SLC9A9: variants seen among roughly 807,000 people sequenced by gnomAD.
The protein encoded by SLC9A9 is sodium/hydrogen exchanger 9.
Under a neutral mutation model 77.8 loss-of-function variants are expected in SLC9A9, and 62 were observed. The observed-to-expected ratio is 0.80, with a 90% CI of 0.65 to 0.98. The LOEUF (loss-of-function observed/expected upper bound fraction) is 0.98, where lower values mean the gene tolerates loss of function less well. Ranked by LOEUF, SLC9A9 falls within the 50% of genes least tolerant of loss-of-function variation. The probability of loss-of-function intolerance (pLI) is 0.00; values close to 1 mark genes in which losing one functional copy is unlikely to be tolerated. For synonymous variants in SLC9A9, 320 were observed against 283.5 expected, an observed-to-expected ratio of 1.13 and a Z score of -1.29; for missense variants, 775 against 774.9, an observed-to-expected ratio of 1.00 and a Z score of 0.00.
intron 14 of SLC9A9, among the ~76,000 whole-genome samples, chr3:143,285,362 G>C (rs1157819114): frequency 6.6e-6 from 1 of 152,134 alleles, no homozygotes; most frequent in African/African-American, 2.4e-5. Context: ...TACTTTACAT[G>C]AAAAATCTCC....
intron 6 of SLC9A9, among the ~76,000 whole-genome samples, chr3:143,589,946 T>C (rs6771387): frequency 0.11 from 14,470 of 134,844 alleles, 1,249 homozygotes; most frequent in African/African-American, 0.27. Flanking sequence ...ATTTCTAGTA[T>C]TAATTTGCAA....
intron 6 of SLC9A9, among the ~76,000 whole-genome samples, chr3:143,590,271 T>C (rs1576595650): frequency 6.6e-6 from 1 of 152,232 alleles, no homozygotes; most frequent in African/African-American, 2.4e-5. Context: ...GGATTAAATA[T>C]GTTAATATGT....
At chr3:143,651,886 G>C (rs930475538) in intron 6 of SLC9A9, among the ~76,000 whole-genome samples, 1 of 152,152 alleles carries the variant, frequency 6.6e-6, no homozygotes, top group Non-Finnish European at 1.5e-5. Flanking sequence ...ATAAATACAA[G>C]GGTTTCTATT....
chr3:143,639,597 G>T (rs991209901), intron 6 of SLC9A9, among the ~76,000 whole-genome samples: 1 of 151,998 alleles, frequency 6.6e-6, no homozygotes, highest in Non-Finnish European at 1.5e-5. Flanking sequence ...GTACTGAGAG[G>T]GCCAAATTTT....
chr3:143,332,958 T>G, intron 14 of SLC9A9, among the ~76,000 whole-genome samples: 1 of 152,218 alleles, frequency 6.6e-6, no homozygotes, highest in Non-Finnish European at 1.5e-5. Context: ...GGTAACAAAG[T>G]GTCAGAGACT....
At chr3:143,800,354 A>G (rs907709462) in intron 2 of SLC9A9, among the ~76,000 whole-genome samples, 8 of 152,146 alleles carry the variant, frequency 5.3e-5, no homozygotes, top group Non-Finnish European at 8.8e-5. Flanking sequence ...TAAAGCCTAC[A>G]AATTCTCCTT....
intron 14 of SLC9A9, among the ~76,000 whole-genome samples, chr3:143,339,015 C>T (rs1205283072): frequency 1.3e-5 from 2 of 152,156 alleles, no homozygotes; most frequent in South Asian, 2.1e-4. Flanking sequence ...TAGTAAATTA[C>T]AGCAAAGGAG....
At chr3:143,294,605 G>T (rs1173414016) in intron 14 of SLC9A9, among the ~76,000 whole-genome samples, 3 of 152,216 alleles carry the variant, frequency 2.0e-5, no homozygotes, top group Non-Finnish European at 4.4e-5. Flanking sequence ...GGCCTGGAGG[G>T]GTAGAGGGTA....
rs949715087 is a variant in SLC9A9, at chr3:143,824,901, T to C, written c.378+7118A>G. On this transcript the variant is annotated intron_variant, in intron 2 of 15. Coordinates refer to ENST00000316549, the MANE Select transcript of SLC9A9 (RefSeq NM_173653.4). ...CTTTAGTAACAGCAGATCTCTTAAA[T>C]AAGGTTTAGGATGAAAGGAGCTGCA... is the stretch of plus-strand genomic sequence containing the variant. Among the ~76,000 whole-genome samples, 14 of 152,186 alleles carry C rather than the reference T, an allele frequency of 9.2e-5. 1 individual carries two copies. The highest frequency in any genetic ancestry group is 5.2e-4 in the Admixed American group (8 of 15,280).
At chr3:143,500,990 A>C (rs2035913712) in intron 9 of SLC9A9, among the ~76,000 whole-genome samples, 1 of 150,596 alleles carries the variant, frequency 6.6e-6, no homozygotes, top group South Asian at 2.1e-4. Flanking sequence ...CAGAAACCAA[A>C]GATGGATTCT....
chr3:143,510,411 C>T (rs901460925), intron 9 of SLC9A9, among the ~76,000 whole-genome samples: 18 of 151,978 alleles, frequency 1.2e-4, no homozygotes, highest in African/African-American at 4.4e-4. Flanking sequence ...AAATTAAATA[C>T]CCGAGATATT....
chr3:143,321,639 T>C (rs2031423688), intron 14 of SLC9A9, among the ~76,000 whole-genome samples: 1 of 152,226 alleles, frequency 6.6e-6, no homozygotes, highest in South Asian at 2.1e-4. Context: ...TTTTTTCTCA[T>C]ACTTAATGGT....
chr3:143,388,289 ATATTT>A (rs1576464121), intron 12 of SLC9A9, among the ~76,000 whole-genome samples: 1 of 152,186 alleles, frequency 6.6e-6, no homozygotes, highest in African/African-American at 2.4e-5. Context: ...AATAATTCAA[ATATTT>A]TAATTTTGTT....
At chr3:143,519,379 G>A (rs1332888915) in intron 9 of SLC9A9, among the ~76,000 whole-genome samples, 1 of 152,158 alleles carries the variant, frequency 6.6e-6, no homozygotes, top group Non-Finnish European at 1.5e-5. Flanking sequence ...TAGTTATAGT[G>A]AAGAGCAAGA....
chr3:143,708,323 G>C (rs1020073641), intron 4 of SLC9A9, among the ~76,000 whole-genome samples: 8 of 152,124 alleles, frequency 5.3e-5, no homozygotes, highest in African/African-American at 1.9e-4. Context: ...GGAGAAGAAT[G>C]AGAGGAGCAA....
chr3:143,380,350 T>A (rs2033274849), intron 13 of SLC9A9, among the ~76,000 whole-genome samples: 1 of 152,186 alleles, frequency 6.6e-6, no homozygotes, highest in Non-Finnish European at 1.5e-5. Context: ...TATGTGATTG[T>A]AGAATATTAG....
intron 5 of SLC9A9, among the ~76,000 whole-genome samples, chr3:143,652,776 A>AAT (rs2038820021): frequency 1.7e-5 from 1 of 57,652 alleles, no homozygotes; most frequent in African/African-American, 8.9e-5. Flanking sequence ...GTATTCCTTA[A>AAT]ATACACACAC....
intron 14 of SLC9A9, among the ~76,000 whole-genome samples, chr3:143,324,851 T>A (rs911055812): frequency 2.6e-5 from 4 of 152,126 alleles, no homozygotes; most frequent in African/African-American, 9.7e-5. Flanking sequence ...TTCCTAGCAA[T>A]CTGCACTAAA....
chr3:143,483,047 A>C (rs1030571058), intron 11 of SLC9A9, among the ~76,000 whole-genome samples: 1 of 152,180 alleles, frequency 6.6e-6, no homozygotes, highest in Non-Finnish European at 1.5e-5. Flanking sequence ...GTCTCAGGGT[A>C]AGCTCCCCTA....
Sources: gnomAD v4.1 joint callset for allele counts (sites outside exome capture counted in the v4.1 genomes callset) on GRCh38, gnomAD v4.1.1 for gene constraint, MANE v1.5 for transcripts, NCBI Gene and HGNC (gene_info 2026-07-23, HGNC 2026-07-21) for gene names.